The following CSMD2 variants were observed in gnomAD, a reference collection of about 807,000 sequenced individuals.
CSMD2 encodes CUB and Sushi multiple domains 2.
Under a neutral mutation model 398.5 loss-of-function variants are expected in CSMD2, and 130 were observed. That is an observed-to-expected ratio of 0.33 (90% CI 0.28 to 0.38). CSMD2 has a LOEUF of 0.38. Ranked by LOEUF, CSMD2 falls within the 10% of genes least tolerant of loss-of-function variation. CSMD2 has a pLI of 1.00. For synonymous variants in CSMD2, 1,828 were observed against 1,908.5 expected (o/e 0.96, Z 1.10); for missense variants, 3,829 against 4,764.9 (o/e 0.80, Z 5.78).
chr1:33,661,471 A>G (rs1644130409), intron 26 of CSMD2, among the ~76,000 whole-genome samples: 1 of 152,298 alleles, frequency 6.6e-6, no homozygotes, highest in African/African-American at 2.4e-5. Flanking sequence ...TTTTGAATTT[A>G]AGGGCATTAG....
Position 33,537,737 on chromosome 1 carries a change from G to A in CSMD2, c.9632-128C>T, listed in dbSNP as rs1655942724. The A allele has an allele frequency of 2.0e-6, 2 of 990,680 alleles. No individual in the cohort carries two copies. Among genetic ancestry groups the A allele is most frequent in the Non-Finnish European group, 2.8e-6 (2 of 703,132 alleles). 61.4% of individuals were successfully genotyped at this position (990,680 alleles called of 1,614,324 possible). A position where few individuals can be genotyped will look rare whatever the true frequency, so the allele number is the denominator to read the frequency against. On this transcript the variant is annotated intron_variant, in intron 60 of 70. Transcript: ENST00000373381. This position sits in a 1 kb window ranked among gnomAD's most constrained non-coding sequence, Gnocchi z 4.6. ...TTGAGCTTGAACTCTGGGAACCGGG[G>A]CAGCCCCAGGTAGGTGCTTCCACCT...
In CSMD2 at chr1:33,677,023, G is replaced by A. The variant is rs971944577; in HGVS notation, c.4053-13931C>T. The stretch of plus-strand genomic sequence containing the variant: ...ATAAAAACCCTAGAAGAAAACCTAG[G>A]CAATACCATGCAGGACATAGGCATG... On this transcript the variant is annotated intron_variant, in intron 25 of 70. Transcript: ENST00000373381. 5.9e-5 allele frequency among the ~76,000 whole-genome samples: 9 copies of A among 152,152 alleles called. No individual in the cohort carries two copies. The South Asian group carries it at 6.2e-4, about 11-fold the overall frequency.
intron 3 of CSMD2, among the ~76,000 whole-genome samples, chr1:34,002,496 T>A (rs1570773407): frequency 6.6e-6 from 1 of 152,176 alleles, no homozygotes; most frequent in South Asian, 2.1e-4. Context: ...TAATAACAGC[T>A]ACCTCTGAGG....
intron 2 of CSMD2, among the ~76,000 whole-genome samples, chr1:34,056,910 T>C (rs535846750): frequency 2.6e-5 from 4 of 152,262 alleles, no homozygotes; most frequent in African/African-American, 4.8e-5. Flanking sequence ...CTAAATCCCA[T>C]TGGGGAACAC....
intron 7 of CSMD2, among the ~76,000 whole-genome samples, chr1:33,823,236 C>G (rs565840171): frequency 6.6e-6 from 1 of 152,158 alleles, no homozygotes; most frequent in Admixed American, 6.5e-5. Flanking sequence ...AACGGTGACG[C>G]GGCTTATACC....
At chr1:33,705,291 A>G (rs987345673) in intron 22 of CSMD2, among the ~76,000 whole-genome samples, 2 of 151,742 alleles carry the variant, frequency 1.3e-5, no homozygotes, top group Admixed American at 6.6e-5. Context: ...TTTGAAATGT[A>G]TGATACATTA....
chr1:33,744,277 C>T (rs1040562943), intron 13 of CSMD2, among the ~76,000 whole-genome samples: 10 of 152,156 alleles, frequency 6.6e-5, no homozygotes, highest in South Asian at 2.1e-4. Flanking sequence ...CAGCCCAGGA[C>T]CATTTGTCTC....
rs751959590 is a variant in CSMD2, at chr1:33,724,633, A to C, written c.2767T>G (p.Phe923Val). ...AAGGTCACCAGCGCGCCCACGTAGA[A>C]GTCATTCCCATGACGCTGTCCATTT... ...PVNGQRHGND[F>V]YVGALVTFSC... The change falls in exon 18 of 71, where the codon TTC becomes GTC. Residue 923 changes from phenylalanine (F) to valine (V), a missense_variant. Physicochemically the swap from Phe to Val is conservative, Grantham distance 50. Transcript: ENST00000373381. 1.2e-6 allele frequency: 2 copies of C among 1,614,178 alleles called. No homozygotes were observed. Among genetic ancestry groups the C allele is most frequent in the East Asian group, 4.5e-5 (2 of 44,868 alleles).
chr1:34,048,332 A>G (rs1652783647), intron 2 of CSMD2, among the ~76,000 whole-genome samples: 1 of 152,214 alleles, frequency 6.6e-6, no homozygotes, highest in African/African-American at 2.4e-5. Context: ...CAGCCCTTAA[A>G]GTTTGGACCA....
chr1:33,842,129 G>T (rs987955), intron 6 of CSMD2, among the ~76,000 whole-genome samples: 41,241 of 151,898 alleles, frequency 0.27, 6,209 homozygotes, highest in South Asian at 0.46. Flanking sequence ...ATATCATTTT[G>T]CTAAAACCAC....
At chr1:33,638,683 A>C (rs2148923818) in intron 29 of CSMD2, among the ~76,000 whole-genome samples, 1 of 152,278 alleles carries the variant, frequency 6.6e-6, no homozygotes, top group South Asian at 2.1e-4. Flanking sequence ...TGTCGTCTCT[A>C]TGCTAGCTTT....
At chr1:33,578,700 G>A (rs1477170120) in intron 48 of CSMD2, among the ~76,000 whole-genome samples, 1 of 152,214 alleles carries the variant, frequency 6.6e-6, no homozygotes, top group Non-Finnish European at 1.5e-5. Context: ...ATGACCAAAG[G>A]AGCAGGCAGA....
chr1:33,559,584 T>C lies in CSMD2; in HGVS notation c.8381-111A>G. On this transcript the variant is annotated intron_variant, in intron 53 of 70. Transcript: ENST00000373381. The surrounding 1 kb of genome is among the most constrained non-coding windows in gnomAD (Gnocchi z 4.0). ...GCCATCAGTGAAGTTCAGCCCTAAG[T>C]CTAACTTCAATCTCTTTTGCTGTAA... is the stretch of plus-strand genomic sequence containing the variant. 1.1e-6 allele frequency: 1 copy of C among 917,586 alleles called. No individual in the cohort carries two copies. Among genetic ancestry groups the C allele is most frequent in the Non-Finnish European group, 1.6e-6 (1 of 612,036 alleles). 56.8% of individuals were successfully genotyped at this position (917,586 alleles called of 1,614,324 possible).
At chr1:33,695,570 G>T (rs1645395391) in intron 24 of CSMD2, among the ~76,000 whole-genome samples, 1 of 152,184 alleles carries the variant, frequency 6.6e-6, no homozygotes, top group Admixed American at 6.5e-5. Flanking sequence ...AACCTGTGTG[G>T]TATTATTCAT....
chr1:33,851,602 A>G (rs1436466927), intron 5 of CSMD2, among the ~76,000 whole-genome samples: 1 of 152,178 alleles, frequency 6.6e-6, no homozygotes, highest in African/African-American at 2.4e-5. Context: ...TGTCTTTGTC[A>G]GTGGTGGGCA....
intron 3 of CSMD2, among the ~76,000 whole-genome samples, chr1:33,951,667 G>C (rs1645012551): frequency 6.6e-6 from 1 of 152,098 alleles, no homozygotes; most frequent in Non-Finnish European, 1.5e-5. Context: ...AACAAACCCA[G>C]GCACCATCCT....
intron 5 of CSMD2, among the ~76,000 whole-genome samples, chr1:33,899,483 G>T (rs529436817): frequency 6.6e-6 from 1 of 152,172 alleles, no homozygotes; most frequent in Non-Finnish European, 1.5e-5. Context: ...ACTGAGTCTC[G>T]GGTTCTCAGA....
At chr1:33,851,894 T>C (rs1638735473) in intron 5 of CSMD2, among the ~76,000 whole-genome samples, 2 of 152,024 alleles carry the variant, frequency 1.3e-5, no homozygotes, top group South Asian at 4.1e-4. Flanking sequence ...GCCTTATCTT[T>C]GAAAAGAGGC....
intron 5 of CSMD2, among the ~76,000 whole-genome samples, chr1:33,852,009 G>A (rs1370247658): frequency 1.3e-5 from 2 of 151,860 alleles, no homozygotes; most frequent in Non-Finnish European, 2.9e-5. Context: ...TTCAATTCCC[G>A]GCTACCTAGT....
Sources: allele counts gnomAD v4.1 joint callset (sites outside exome capture counted in the v4.1 genomes callset), GRCh38; gene constraint gnomAD v4.1.1; non-coding constraint Gnocchi (gnomAD v3.1); transcripts MANE v1.5; gene names NCBI Gene and HGNC (gene_info 2026-07-23, HGNC 2026-07-21).